The following DZIP1 variants were observed in gnomAD, a reference collection of about 807,000 sequenced individuals.
DZIP1 encodes cilium assembly protein DZIP1.
DZIP1 carries 97 observed loss-of-function variants against 107.6 expected under a neutral mutation model. That is an observed-to-expected ratio of 0.90 (90% CI 0.77 to 1.07). DZIP1 has a LOEUF of 1.07. Among genes scored for constraint, DZIP1 ranks in the 50% least tolerant of loss-of-function variants. The pLI, the probability that DZIP1 is intolerant of heterozygous loss-of-function variation, is 0.00. For missense variants in DZIP1, 1,035 were observed against 1,063.6 expected, an observed-to-expected ratio of 0.97 and a Z score of 0.37; for synonymous variants, 390 against 386.4, an observed-to-expected ratio of 1.01 and a Z score of -0.11.
At chr13:95,611,360 A>C in intron 12 of DZIP1, 85 bp downstream of exon 12, 1 of 1,038,628 alleles carries the variant, frequency 9.6e-7, no homozygotes, top group Non-Finnish European at 1.5e-6. Context: ...AGCACACATA[A>C]ACAAGTGGGG....
chr13:95,584,565 A>C (rs764908002), intron 22 of DZIP1, 171 bp downstream of exon 22: 66 of 1,236,506 alleles, frequency 5.3e-5, no homozygotes, highest in Non-Finnish European at 6.7e-5. Flanking sequence ...GTAAATATAT[A>C]TGAATCAGTG....
Position 95,628,791 on chromosome 13 carries a change from C to T in DZIP1, c.810+1198G>A, listed in dbSNP as rs1371766810. ...AAATAAGCCAATGATGACAAAAAGA[C>T]AAATACTCTATGCTTCCATTCATAT... On this transcript the variant is annotated intron_variant, in intron 7 of 22. Transcript: ENST00000376829. 2.0e-5 allele frequency among the ~76,000 whole-genome samples: 3 copies of T among 152,202 alleles called. No homozygotes were observed. The East Asian group carries it at 5.8e-4, about 29-fold the overall frequency.
intron 16 of DZIP1, among the ~76,000 whole-genome samples, chr13:95,592,383 G>T (rs2044332383): frequency 6.6e-6 from 1 of 152,172 alleles, no homozygotes; most frequent in Admixed American, 6.5e-5. Context: ...GAAACAATCT[G>T]CACAGGAACC....
At chr13:95,636,029 G>C (rs752958880) in intron 5 of DZIP1, among the ~76,000 whole-genome samples, 3 of 151,906 alleles carry the variant, frequency 2.0e-5, no homozygotes, top group Non-Finnish European at 4.4e-5. Flanking sequence ...GAAAAACATG[G>C]CATGCAAAAA....
chr13:95,620,041 C>A, intron 9 of DZIP1, 94 bp from the exon 10 acceptor site: 2 of 1,335,170 alleles, frequency 1.5e-6, no homozygotes, highest in South Asian at 1.3e-5. Flanking sequence ...CTATGAAACC[C>A]AACTATCTAT....
At chr13:95,608,500 T>G (rs1017436606) in intron 13 of DZIP1, among the ~76,000 whole-genome samples, 2 of 151,938 alleles carry the variant, frequency 1.3e-5, no homozygotes, top group African/African-American at 2.4e-5. Context: ...TTTGGTCAGC[T>G]GCTGAAGATT....
chr13:95,627,509 AC>A (rs1486032831), intron 7 of DZIP1, among the ~76,000 whole-genome samples: 9 of 152,244 alleles, frequency 5.9e-5, no homozygotes, highest in Non-Finnish European at 8.8e-5. Context: ...TAAGATATAT[AC>A]AAATGGAAAA....
At chr13:95,630,498 G>A (rs1877062536) in intron 6 of DZIP1, among the ~76,000 whole-genome samples, 1 of 151,824 alleles carries the variant, frequency 6.6e-6, no homozygotes, top group Admixed American at 6.6e-5. Context: ...TCCTCTGCAG[G>A]CACCACCATA....
intron 9 of DZIP1, among the ~76,000 whole-genome samples, chr13:95,621,328 G>A (rs770459570): frequency 2.0e-5 from 3 of 152,174 alleles, no homozygotes; most frequent in Non-Finnish European, 4.4e-5. Flanking sequence ...CCCAGAATCC[G>A]AAGGACCCTG....
Position 95,641,169 on chromosome 13 carries a change from A to G in DZIP1, c.597+126T>C. The G allele has an allele frequency of 7.4e-7, 1 of 1,355,234 alleles. No individual in the cohort carries two copies. The highest frequency in any genetic ancestry group is 1.6e-5 in the South Asian group (1 of 60,692). The allele number at this position is 1,355,234 out of a possible 1,614,324, so 84.0% of individuals were successfully genotyped here. A position where few individuals can be genotyped will look rare whatever the true frequency, so the allele number is the denominator to read the frequency against. On this transcript the variant is annotated intron_variant, in intron 5 of 22. Transcript: ENST00000376829. This position sits in a 1 kb window ranked among gnomAD's most constrained non-coding sequence, Gnocchi z 4.3. The stretch of plus-strand genomic sequence containing the variant: ...GTTAAATGACTGTTTTTGCTTAAAT[A>G]TACTGTGTCTTCTGATATACAATAT...
In DZIP1 at chr13:95,641,639, C is replaced by T. The variant is rs1169792035; in HGVS notation, c.253G>A (p.Asp85Asn). 1 of 1,610,208 alleles carries T rather than the reference C, an allele frequency of 6.2e-7. No homozygotes were observed. Among genetic ancestry groups the T allele is most frequent in the South Asian group, 1.1e-5 (1 of 91,082 alleles). ...IDVDKVAGAV[D>N]VLTLQENIMN... ...ATGTTCTCCTGCAGCGTCAGCACGTCCACAGCCCCCGCCACCTTGTCCACG... is the reference window on the plus strand; with the variant it reads ...ATGTTCTCCTGCAGCGTCAGCACGTTCACAGCCCCCGCCACCTTGTCCACG... Residue 85 changes from aspartate to asparagine, a missense_variant, in exon 5 of 23, where the codon GAC becomes AAC. Transcript: ENST00000376829. The surrounding 1 kb of genome is among the most constrained non-coding windows in gnomAD (Gnocchi z 4.3).
intron 18 of DZIP1, 115 bp downstream of exon 18, chr13:95,589,688 C>A (rs1030750197): frequency 1.4e-6 from 2 of 1,401,718 alleles, no homozygotes; most frequent in Non-Finnish European, 9.6e-7. Flanking sequence ...CTTTCAGCCT[C>A]CAAAATGGGG....
chr13:95,614,592 G>A (rs938141736), intron 10 of DZIP1, among the ~76,000 whole-genome samples: 2 of 152,200 alleles, frequency 1.3e-5, no homozygotes, highest in Admixed American at 1.3e-4. Flanking sequence ...AGAAAGGAAT[G>A]GAGAGGGTCT....
intron 7 of DZIP1, among the ~76,000 whole-genome samples, chr13:95,627,712 G>A (rs568142093): frequency 6.6e-6 from 1 of 152,294 alleles, no homozygotes; most frequent in South Asian, 2.1e-4. Context: ...AGCTACTGTG[G>A]AAGACAGTTT....
rs1369824394 is a variant in DZIP1 at position 95,641,896 on chromosome 13, G to A, written c.37-41C>T. On this transcript the variant is annotated intron_variant, in intron 4 of 22. Coordinates refer to ENST00000376829, the MANE Select transcript of DZIP1 (RefSeq NM_198968.4). The surrounding 1 kb of genome is among the most constrained non-coding windows in gnomAD (Gnocchi z 4.3). ...AGAGAGCGCGGCGGGAGGCGGGGAT[G>A]GGGGGCGGGCAGGCTGGGGAGCTGG... 1 of 1,444,274 alleles carries A rather than the reference G, an allele frequency of 6.9e-7. No homozygotes were observed. The highest frequency in any genetic ancestry group is 9.1e-7 in the Non-Finnish European group (1 of 1,104,460). The allele number at this position is 1,444,274 out of a possible 1,614,324, so 89.5% of individuals were successfully genotyped here.
chr13:95,608,061 G>A (rs1047559917), intron 13 of DZIP1, among the ~76,000 whole-genome samples: 1 of 152,120 alleles, frequency 6.6e-6, no homozygotes, highest in Admixed American at 6.5e-5. Flanking sequence ...GCCATCATTA[G>A]AACCTTGGCT....
intron 21 of DZIP1, 124 bp downstream of exon 21, chr13:95,585,882 G>T: frequency 1.0e-6 from 1 of 982,064 alleles, no homozygotes; most frequent in Non-Finnish European, 1.4e-6. Context: ...CAAGAAAGGT[G>T]AAAATCTCAA....
chr13:95,626,537 G>C (rs1307025206), intron 7 of DZIP1, among the ~76,000 whole-genome samples: 1 of 152,138 alleles, frequency 6.6e-6, no homozygotes, highest in African/African-American at 2.4e-5. Context: ...TAAAGGGATA[G>C]AGTTAGTAAT....
At chr13:95,609,788 G>A (rs959308329) in intron 12 of DZIP1, among the ~76,000 whole-genome samples, 2 of 152,014 alleles carry the variant, frequency 1.3e-5, no homozygotes, top group African/African-American at 2.4e-5. Flanking sequence ...GAGTTAAAGG[G>A]AACAACAACC....
Sources: gnomAD v4.1 joint callset for allele counts (sites outside exome capture counted in the v4.1 genomes callset) on GRCh38, gnomAD v4.1.1 for gene constraint, Gnocchi (gnomAD v3.1) non-coding constraint, MANE v1.5 for transcripts, NCBI Gene and HGNC (gene_info 2026-07-23, HGNC 2026-07-21) for gene names.